Variants in ENY2 observed in about 807,000 individuals in gnomAD.
The protein encoded by ENY2 is transcription and mRNA export factor ENY2.
Under a neutral mutation model 15.9 loss-of-function variants are expected in ENY2, and 4 were observed. That is an observed-to-expected ratio of 0.25 (90% CI 0.12 to 0.57). The LOEUF (loss-of-function observed/expected upper bound fraction) is 0.57, where lower values mean the gene tolerates loss of function less well. Among genes scored for constraint, ENY2 ranks in the 20% least tolerant of loss-of-function variants. The pLI, the probability that ENY2 is intolerant of heterozygous loss-of-function variation, is 0.91. For synonymous variants in ENY2, 48 were observed against 38.0 expected (o/e 1.26, Z -0.97); for missense variants, 54 against 117.2 (o/e 0.46, Z 2.49).
intron 4 of ENY2, chr8:109,342,917 A>C: frequency 2.0e-6 from 1 of 495,702 alleles, no homozygotes. Context: ...TATGTTCAAA[A>C]ACTCTCCTTT....
rs988859294 is a variant in ENY2, at chr8:109,345,638, G to C, written c.*2157G>C. 5.3e-5 allele frequency: 8 copies of C among 152,140 alleles called. No individual in the cohort carries two copies. Among genetic ancestry groups the C allele is most frequent in the Non-Finnish European group, 8.8e-5 (6 of 68,024 alleles). 9.4% of individuals were successfully genotyped at this position (152,140 alleles called of 1,614,324 possible). A position where few individuals can be genotyped will look rare whatever the true frequency, so the allele number is the denominator to read the frequency against. ...CAATCATAAATAGTACACAGGAAAG[G>C]TGAGAAATAGCGGATAGTTCTTATT... On this transcript the variant is annotated 3_prime_UTR_variant, in exon 5 of 5. Transcript: ENST00000521688.
At position 109,342,783 on chromosome 8, in the gene ENY2, C is replaced by T. The variant is rs1374421134; in HGVS notation, c.230-622C>T. ...CCTTCCAGACTGCTGGGATGACAGG[C>T]GTGAGCCATCGTACCCAGCCAACAC... On this transcript the variant is annotated intron_variant, in intron 4 of 4. Coordinates refer to ENST00000521688, the MANE Select transcript of ENY2 (RefSeq NM_020189.6). 1.6e-5 allele frequency: 11 copies of T among 690,248 alleles called. No individual in the cohort carries two copies. In the Admixed American group the frequency reaches 1.6e-4, roughly 10 times the overall value. The allele number at this position is 690,248 out of a possible 1,614,324, so 42.8% of individuals were successfully genotyped here.
intron 2 of ENY2, 60 bp from the exon 3 acceptor site, chr8:109,339,260 A>G: frequency 2.0e-6 from 3 of 1,513,608 alleles, no homozygotes; most frequent in South Asian, 2.3e-5. Flanking sequence ...ACTTTGCTTC[A>G]TACATTCCTG....
At chr8:109,342,796 A>G (rs1324666328) in intron 4 of ENY2, 1 of 682,722 alleles carries the variant, frequency 1.5e-6, no homozygotes, top group Non-Finnish European at 2.7e-6. Context: ...GAGCCATCGT[A>G]CCCAGCCAAC....
At position 109,345,372 on chromosome 8, in the gene ENY2, T is replaced by C. The variant is rs919879186; in HGVS notation, c.*1891T>C. 7.9e-5 allele frequency: 12 copies of C among 152,172 alleles called. No individual in the cohort carries two copies. The highest frequency in any genetic ancestry group is 6.6e-4 in the Admixed American group (10 of 15,262). The allele number at this position is 152,172 out of a possible 1,614,324, so 9.4% of individuals were successfully genotyped here. A position where few individuals can be genotyped will look rare whatever the true frequency, so the allele number is the denominator to read the frequency against. Reference sequence around the variant, plus strand: ...GAGAAAAGGTATAAATTGGGTATAGTTGAGAAAAGGATTCAAATTGATCTT... The same window carrying C: ...GAGAAAAGGTATAAATTGGGTATAGCTGAGAAAAGGATTCAAATTGATCTT... On this transcript the variant is annotated 3_prime_UTR_variant, in exon 5 of 5. Coordinates refer to ENST00000521688, the MANE Select transcript of ENY2 (RefSeq NM_020189.6).
Position 109,345,390 on chromosome 8 carries a change from T to C in ENY2, c.*1909T>C, listed in dbSNP as rs1816222957. The C allele has an allele frequency of 6.6e-6, 1 of 152,172 alleles. No individual in the cohort carries two copies. Among genetic ancestry groups the C allele is most frequent in the Admixed American group, 6.6e-5 (1 of 15,262 alleles). 9.4% of individuals were successfully genotyped at this position (152,172 alleles called of 1,614,324 possible). ...GGTATAGTTGAGAAAAGGATTCAAA[T>C]TGATCTTTGGTTCGAGAGACAATTT... On this transcript the variant is annotated 3_prime_UTR_variant, in exon 5 of 5. Coordinates refer to ENST00000521688, the MANE Select transcript of ENY2 (RefSeq NM_020189.6).
rs1331661265 is a variant in ENY2 at position 109,344,313 on chromosome 8, C to G, written c.*832C>G. 1 of 152,226 alleles carries G rather than the reference C, an allele frequency of 6.6e-6. No homozygotes were observed. Among genetic ancestry groups the G allele is most frequent in the East Asian group, 1.9e-4 (1 of 5,188 alleles). The allele number at this position is 152,226 out of a possible 1,614,324, so 9.4% of individuals were successfully genotyped here. On this transcript the variant is annotated 3_prime_UTR_variant, in exon 5 of 5. Coordinates refer to ENST00000521688, the MANE Select transcript of ENY2 (RefSeq NM_020189.6). ...TTTCTTGTGGAGTACCTTTTGCTGT[C>G]TGGGACTTGTAGATAATGGTGTTTC...
intron 2 of ENY2, among the ~76,000 whole-genome samples, chr8:109,338,063 G>C (rs1417334687): frequency 6.6e-6 from 1 of 152,170 alleles, no homozygotes; most frequent in East Asian, 1.9e-4. Context: ...TGGGGAGAAG[G>C]CAGATCATGA....
intron 4 of ENY2, among the ~76,000 whole-genome samples, chr8:109,341,648 C>T (rs1320193191): frequency 1.3e-5 from 2 of 152,002 alleles, no homozygotes; most frequent in Non-Finnish European, 2.9e-5. Context: ...TTGTAGCTCC[C>T]CTGCTAGAGA....
chr8:109,336,471 T>A (rs1261664419), intron 2 of ENY2: 3 of 317,080 alleles, frequency 9.5e-6, no homozygotes, highest in African/African-American at 6.4e-5. Context: ...GAATTACAAC[T>A]GGAGACATAA....
intron 2 of ENY2, among the ~76,000 whole-genome samples, chr8:109,336,779 A>G (rs950053121): frequency 4.6e-5 from 7 of 151,788 alleles, no homozygotes; most frequent in Admixed American, 3.9e-4. Flanking sequence ...CAAAAACAAC[A>G]TTGTATACCC....
intron 4 of ENY2, chr8:109,340,829 T>C: frequency 2.9e-6 from 1 of 346,852 alleles, no homozygotes; most frequent in Non-Finnish European, 5.3e-6. Context: ...AAATACGGGA[T>C]TCTGCAGTGT....
chr8:109,345,016 AAAG>A lies in ENY2; in HGVS notation c.*1538_*1540del, dbSNP rs1237709205. The A allele has an allele frequency of 2.0e-5, 3 of 152,186 alleles. No homozygotes were observed. The highest frequency in any genetic ancestry group is 7.2e-5 in the African/African-American group (3 of 41,448). 9.4% of individuals were successfully genotyped at this position (152,186 alleles called of 1,614,324 possible). On this transcript the variant is annotated 3_prime_UTR_variant, in exon 5 of 5. Coordinates refer to ENST00000521688, the MANE Select transcript of ENY2 (RefSeq NM_020189.6). The stretch of plus-strand genomic sequence containing the variant: ...GACATCGTGTTTCTCTAGTTAGACT[AAAG>A]AATCCCCACTATGAAGTTGTTTCAT...
chr8:109,335,462 A>G (rs1192591702), intron 1 of ENY2: 1 of 150,234 alleles, frequency 6.7e-6, no homozygotes, highest in Non-Finnish European at 1.5e-5. Flanking sequence ...TCCTGGGTTC[A>G]AGCGATTCTC....
At position 109,336,150 on chromosome 8, in the gene ENY2, C is replaced by T. The variant is rs750806375; in HGVS notation, c.29C>T (p.Ala10Val). Residue 10 changes from alanine (A) to valine (V), a missense_variant, in exon 2 of 5, where the codon GCG becomes GTG. Physicochemically the swap from Ala to Val is moderately conservative, Grantham distance 64. Transcript: ENST00000521688. Reference protein sequence around the residue: MVVSKMNKDAQMRAAINQKL... With the variant: MVVSKMNKDVQMRAAINQKL... ...CAGGTTAGCAAGATGAACAAAGATG[C>T]GCAGATGAGAGCAGCGATTAACCAA... 31 of 1,613,072 alleles carry T rather than the reference C, an allele frequency of 1.9e-5. No individual in the cohort carries two copies. The highest frequency in any genetic ancestry group is 9.4e-5 in the African/African-American group (7 of 74,816).
At chr8:109,339,216 CT>C (rs1355730754) in intron 2 of ENY2, 103 bp from the exon 3 acceptor site, 1 of 1,007,658 alleles carries the variant, frequency 9.9e-7, no homozygotes, top group Non-Finnish European at 1.5e-6. Context: ...AGTTTTGTAA[CT>C]GGAAGGCAGG....
In ENY2 at chr8:109,341,456, GA is replaced by G. The variant is rs900465958; in HGVS notation, c.229+901del. Among the ~76,000 whole-genome samples the G allele has an allele frequency of 3.2e-4, 49 of 151,100 alleles. No homozygotes were observed. The South Asian group carries it at 6.5e-3, about 20-fold the overall frequency. On this transcript the variant is annotated intron_variant, in intron 4 of 4. Transcript: ENST00000521688. ...TTCTTCAAGTATGTCTCGGGGAAAGGAAAAAAAATTATTATTCCCCTTATGA... is the reference window on the plus strand; with the variant it reads ...TTCTTCAAGTATGTCTCGGGGAAAGGAAAAAAATTATTATTCCCCTTATGA...
At chr8:109,342,913 C>A (rs1816154527) in intron 4 of ENY2, 2 of 497,864 alleles carry the variant, frequency 4.0e-6, no homozygotes, top group Middle Eastern at 3.6e-4. Flanking sequence ...CTTTTATGTT[C>A]AAAAACTCTC....
chr8:109,339,662 T>C (rs1816072354), intron 3 of ENY2: 2 of 353,102 alleles, frequency 5.7e-6, no homozygotes, highest in African/African-American at 2.1e-5. Context: ...TTGTTTCTTA[T>C]GTTTTAACTT....
Sources: allele counts gnomAD v4.1 joint callset (sites outside exome capture counted in the v4.1 genomes callset), GRCh38; gene constraint gnomAD v4.1.1; transcripts MANE v1.5; gene names NCBI Gene and HGNC (gene_info 2026-07-23, HGNC 2026-07-21).